The following DSCAM variants were observed in gnomAD, a reference collection of about 807,000 sequenced individuals.
The protein encoded by DSCAM is DS cell adhesion molecule, also known as cell adhesion molecule DSCAM.
DSCAM carries 47 observed loss-of-function variants against 217.7 expected under a neutral mutation model. That is an observed-to-expected ratio of 0.22 (90% CI 0.17 to 0.28). The LOEUF (loss-of-function observed/expected upper bound fraction) is 0.28. Among genes scored for constraint, DSCAM ranks in the 10% least tolerant of loss-of-function variants. The probability of loss-of-function intolerance (pLI) is 1.00; values close to 1 mark genes in which losing one functional copy is unlikely to be tolerated. For synonymous variants in DSCAM, 1,056 were observed against 1,015.3 expected (o/e 1.04, Z -0.76); for missense variants, 2,080 against 2,618.3 (o/e 0.79, Z 4.49).
chr21:40,493,013 G>A (rs2076088399), intron 3 of DSCAM, among the ~76,000 whole-genome samples: 1 of 152,024 alleles, frequency 6.6e-6, no homozygotes, highest in Admixed American at 6.5e-5. Flanking sequence ...AAATAAAGGG[G>A]TTCCAATAAA....
At chr21:40,187,283 C>T (rs368137392) in intron 13 of DSCAM, 24 bp from the exon 14 acceptor site, 54 of 1,612,188 alleles carry the variant, frequency 3.3e-5, no homozygotes, top group South Asian at 2.3e-4. Flanking sequence ...AGAAAGACTA[C>T]GAGTTAGTTC....
At chr21:40,831,222 C>T (rs958371186) in intron 1 of DSCAM, among the ~76,000 whole-genome samples, 2 of 152,182 alleles carry the variant, frequency 1.3e-5, no homozygotes, top group African/African-American at 4.8e-5. Flanking sequence ...TCTCAGAAGA[C>T]ATATATCACA....
At chr21:40,710,616 T>C (rs1298442192) in intron 1 of DSCAM, among the ~76,000 whole-genome samples, 1 of 152,190 alleles carries the variant, frequency 6.6e-6, no homozygotes, top group Non-Finnish European at 1.5e-5. Flanking sequence ...GTAAATATCA[T>C]CAAATGTGTT....
intron 8 of DSCAM, among the ~76,000 whole-genome samples, chr21:40,325,488 G>A (rs1175007312): frequency 1.3e-5 from 2 of 152,114 alleles, no homozygotes; most frequent in South Asian, 2.1e-4. Context: ...AGGTCCAAAT[G>A]AAGACAAAGG....
intron 3 of DSCAM, among the ~76,000 whole-genome samples, chr21:40,482,935 C>A (rs556547797): frequency 6.6e-6 from 1 of 152,148 alleles, no homozygotes; most frequent in South Asian, 2.1e-4. Context: ...ACACACAGCC[C>A]GCCTAATTGT....
intron 11 of DSCAM, among the ~76,000 whole-genome samples, chr21:40,213,903 C>T (rs942548262): frequency 2.6e-5 from 4 of 152,326 alleles, no homozygotes; most frequent in Middle Eastern, 3.4e-3. Flanking sequence ...TCATCCTTTC[C>T]GCATCTTCTG....
chr21:40,755,184 A>C (rs2091263464), intron 1 of DSCAM, among the ~76,000 whole-genome samples: 1 of 152,184 alleles, frequency 6.6e-6, no homozygotes, highest in Admixed American at 6.5e-5. Flanking sequence ...ACGGTGGCTC[A>C]TGCCTGTAAT....
chr21:40,773,622 T>C (rs1420745348), intron 1 of DSCAM, among the ~76,000 whole-genome samples: 1 of 152,172 alleles, frequency 6.6e-6, no homozygotes, highest in Admixed American at 6.5e-5. Flanking sequence ...TACACCAACC[T>C]AACACATTTC....
chr21:40,411,936 C>T (rs1263245282), intron 3 of DSCAM, among the ~76,000 whole-genome samples: 1 of 152,132 alleles, frequency 6.6e-6, no homozygotes, highest in East Asian at 1.9e-4. Flanking sequence ...GTGGGAAGGA[C>T]CTGGTGGGAG....
intron 3 of DSCAM, among the ~76,000 whole-genome samples, chr21:40,517,854 A>C (rs907539808): frequency 1.3e-5 from 2 of 152,072 alleles, no homozygotes; most frequent in African/African-American, 4.8e-5. Flanking sequence ...TCATTACTGG[A>C]AATTTGTTGC....
chr21:40,332,124 C>G (rs1457307458), intron 8 of DSCAM, among the ~76,000 whole-genome samples: 1 of 152,206 alleles, frequency 6.6e-6, no homozygotes, highest in South Asian at 2.1e-4. Flanking sequence ...CTTTTCCTCT[C>G]TCCAATTTAA....
At chr21:40,750,858 G>C in intron 1 of DSCAM, among the ~76,000 whole-genome samples, 1 of 152,050 alleles carries the variant, frequency 6.6e-6, no homozygotes, top group East Asian at 1.9e-4. Context: ...GATGCACCCA[G>C]CACGCTGCTC....
At chr21:40,766,466 C>T (rs1298324586) in intron 1 of DSCAM, among the ~76,000 whole-genome samples, 1 of 151,766 alleles carries the variant, frequency 6.6e-6, no homozygotes, top group African/African-American at 2.4e-5. Flanking sequence ...CAATACTGAA[C>T]ATTAACATTG....
rs1202396001 is a variant in DSCAM, at chr21:40,844,259, T to A, written c.43+2360A>T. ...TATTTCAACATGTCTATATATTTTA[T>A]GATCCTTTCCCCAGTATGTAATGAA... is the stretch of plus-strand genomic sequence containing the variant. On this transcript the variant is annotated intron_variant, in intron 1 of 32. Coordinates refer to ENST00000400454, the MANE Select transcript of DSCAM (RefSeq NM_001389.5). 3.3e-5 allele frequency among the ~76,000 whole-genome samples: 5 copies of A among 152,368 alleles called. No homozygotes were observed. In the East Asian group the frequency reaches 7.7e-4, roughly 24 times the overall value.
intron 3 of DSCAM, among the ~76,000 whole-genome samples, chr21:40,550,717 G>A (rs1485791926): frequency 6.6e-6 from 1 of 152,178 alleles, no homozygotes; most frequent in Non-Finnish European, 1.5e-5. Flanking sequence ...GTTTAATTGA[G>A]CAAAGAATGA....
At chr21:40,422,532 C>T (rs1358911045) in intron 3 of DSCAM, among the ~76,000 whole-genome samples, 1 of 152,106 alleles carries the variant, frequency 6.6e-6, no homozygotes, top group African/African-American at 2.4e-5. Flanking sequence ...ATTCCAGCTA[C>T]TCAGGAGGCT....
intron 3 of DSCAM, among the ~76,000 whole-genome samples, chr21:40,626,408 G>A (rs916646712): frequency 3.9e-5 from 6 of 151,990 alleles, no homozygotes; most frequent in Non-Finnish European, 7.4e-5. Flanking sequence ...CCTCTACAAC[G>A]TACTCCCCAT....
intron 3 of DSCAM, among the ~76,000 whole-genome samples, chr21:40,608,605 A>T (rs1323442273): frequency 6.6e-6 from 1 of 152,234 alleles, no homozygotes; most frequent in Admixed American, 6.5e-5. Flanking sequence ...TATTCTTAGT[A>T]GATCTCTACT....
intron 3 of DSCAM, among the ~76,000 whole-genome samples, chr21:40,375,306 A>G (rs2074939028): frequency 6.6e-6 from 1 of 152,246 alleles, no homozygotes; most frequent in Non-Finnish European, 1.5e-5. Flanking sequence ...ATTTAGCAAT[A>G]TACATCATTT....
Sources: allele counts gnomAD v4.1 joint callset (sites outside exome capture counted in the v4.1 genomes callset), GRCh38; gene constraint gnomAD v4.1.1; transcripts MANE v1.5; gene names NCBI Gene and HGNC (gene_info 2026-07-23, HGNC 2026-07-21).